The following ADD3 variants were observed in gnomAD, a reference collection of about 807,000 sequenced individuals.
ADD3 encodes gamma-adducin.
Under a neutral mutation model 80.2 loss-of-function variants are expected in ADD3, and 25 were observed. The observed-to-expected ratio is 0.31, with a 90% CI of 0.23 to 0.44. The LOEUF is 0.44. ADD3 is among the 20% of genes least tolerant of loss of function. The probability of loss-of-function intolerance (pLI) is 1.00; values close to 1 mark genes in which losing one functional copy is unlikely to be tolerated. For missense variants in ADD3, 829 were observed against 847.5 expected, an observed-to-expected ratio of 0.98 and a Z score of 0.27; for synonymous variants, 284 against 289.6, an observed-to-expected ratio of 0.98 and a Z score of 0.20.
At chr10:110,015,532 T>C (rs574286930) in intron 1 of ADD3, among the ~76,000 whole-genome samples, 1 of 152,112 alleles carries the variant, frequency 6.6e-6, no homozygotes, top group Non-Finnish European at 1.5e-5. Context: ...CCCACCACCA[T>C]GCTCGGCTAA....
chr10:110,103,213 C>G (rs1026015391), intron 2 of ADD3, among the ~76,000 whole-genome samples: 8 of 152,180 alleles, frequency 5.3e-5, no homozygotes, highest in Admixed American at 2.6e-4. Context: ...GGAAATGATA[C>G]TTGGTGGCTT....
chr10:110,113,911 G>A (rs1406276500), intron 3 of ADD3, among the ~76,000 whole-genome samples: 2 of 152,228 alleles, frequency 1.3e-5, no homozygotes, highest in Non-Finnish European at 2.9e-5. Flanking sequence ...TGGACATAGA[G>A]AAGTAGTACT....
At chr10:110,071,800 G>T (rs1264080043) in intron 1 of ADD3, among the ~76,000 whole-genome samples, 4 of 152,178 alleles carry the variant, frequency 2.6e-5, no homozygotes, top group Non-Finnish European at 4.4e-5. Context: ...TGGGGATCAT[G>T]CCTAATCTTT....
chr10:110,032,649 G>A (rs1855182691), intron 1 of ADD3, among the ~76,000 whole-genome samples: 1 of 152,134 alleles, frequency 6.6e-6, no homozygotes, highest in Non-Finnish European at 1.5e-5. Context: ...TGTGGATTCA[G>A]CTTTCTCAGC....
chr10:110,061,624 T>C (rs1352501787), intron 1 of ADD3, among the ~76,000 whole-genome samples: 1 of 152,178 alleles, frequency 6.6e-6, no homozygotes, highest in African/African-American at 2.4e-5. Flanking sequence ...ACTTAACAAA[T>C]GGACTGGCTA....
upstream of ADD3, among the ~76,000 whole-genome samples, chr10:110,005,262 A>G (rs1189344808): frequency 6.7e-6 from 1 of 150,282 alleles, no homozygotes; most frequent in Non-Finnish European, 1.5e-5. Flanking sequence ...GGATTTCACC[A>G]TCTTGGCCAG....
intron 1 of ADD3, among the ~76,000 whole-genome samples, chr10:110,020,840 AG>A (rs1225471123): frequency 6.6e-6 from 1 of 152,204 alleles, no homozygotes; most frequent in African/African-American, 2.4e-5. Context: ...GAGAGAGAGG[AG>A]TCAAACTTGA....
At chr10:110,081,966 G>A (rs1036274659) in intron 1 of ADD3, among the ~76,000 whole-genome samples, 2 of 152,122 alleles carry the variant, frequency 1.3e-5, no homozygotes, top group African/African-American at 4.8e-5. Flanking sequence ...ATTGTAGTTT[G>A]AGCTGAAACA....
chr10:110,033,966 T>C (rs1855347660), intron 1 of ADD3, among the ~76,000 whole-genome samples: 1 of 152,220 alleles, frequency 6.6e-6, no homozygotes, highest in African/African-American at 2.4e-5. Context: ...AGGTTTATAT[T>C]GTACCTTAGC....
intron 1 of ADD3, among the ~76,000 whole-genome samples, chr10:110,041,049 TC>T (rs779140500): frequency 3.3e-4 from 51 of 152,282 alleles, no homozygotes; most frequent in Non-Finnish European, 6.5e-4. Flanking sequence ...TCATGCTGTG[TC>T]TCTCACTATC....
chr10:110,047,974 T>A (rs980825997), intron 1 of ADD3, among the ~76,000 whole-genome samples: 8 of 152,178 alleles, frequency 5.3e-5, no homozygotes, highest in African/African-American at 1.2e-4. Context: ...TCAAGTGATA[T>A]GGTGTGGCTG....
At chr10:110,108,669 G>A (rs1849648845) in intron 2 of ADD3, among the ~76,000 whole-genome samples, 1 of 151,774 alleles carries the variant, frequency 6.6e-6, no homozygotes, top group Admixed American at 6.6e-5. Context: ...TTTTATATTA[G>A]TCTTATATTA....
At position 110,077,550 on chromosome 10, in the gene ADD3, A is replaced by G. The variant is rs1176436901; in HGVS notation, c.-29-23075A>G. On this transcript the variant is annotated intron_variant, in intron 1 of 14. Coordinates refer to ENST00000356080, the MANE Select transcript of ADD3 (RefSeq NM_016824.5). ...GAGTGGGTTCATTGAATTAAAAAAA[A>G]GGCAGCTTCTAAAGAGCCTTTTATT... is the stretch of plus-strand genomic sequence containing the variant. Among the ~76,000 whole-genome samples, 4 of 152,288 alleles carry G rather than the reference A, an allele frequency of 2.6e-5. No homozygotes were observed. In the East Asian group the frequency reaches 7.7e-4, roughly 29 times the overall value.
chr10:110,127,317 T>A (rs1831455760), intron 12 of ADD3, among the ~76,000 whole-genome samples: 2 of 152,354 alleles, frequency 1.3e-5, no homozygotes, highest in South Asian at 4.1e-4. Flanking sequence ...CCGAACTTTT[T>A]AAAAGAATTA....
In ADD3 at chr10:110,133,279, A is replaced by G. The variant is rs1366988967; in HGVS notation, c.1829-47A>G. The G allele has an allele frequency of 2.0e-6, 3 of 1,519,788 alleles. No individual in the cohort carries two copies. The South Asian group carries it at 4.0e-5, about 20-fold the overall frequency. The allele number at this position is 1,519,788 out of a possible 1,614,324, so 94.1% of individuals were successfully genotyped here. A position where few individuals can be genotyped will look rare whatever the true frequency, so the allele number is the denominator to read the frequency against. The stretch of plus-strand genomic sequence containing the variant: ...TTCAGTTTTGTAAAGTAGAGCAAAA[A>G]TGTTAAGTATGTAAAATAACCCCCA... On this transcript the variant is annotated intron_variant, in intron 14 of 14. Coordinates refer to ENST00000356080, the MANE Select transcript of ADD3 (RefSeq NM_016824.5).
At chr10:110,066,515 G>A (rs1025806034) in intron 1 of ADD3, among the ~76,000 whole-genome samples, 1 of 152,154 alleles carries the variant, frequency 6.6e-6, no homozygotes, top group African/African-American at 2.4e-5. Flanking sequence ...TTACAGGTGT[G>A]AGCCACCGTG....
At chr10:110,087,649 T>C (rs1052972352) in intron 1 of ADD3, among the ~76,000 whole-genome samples, 1 of 152,242 alleles carries the variant, frequency 6.6e-6, no homozygotes, top group Non-Finnish European at 1.5e-5. Flanking sequence ...ATCAGATGTC[T>C]TGTTCAGGTT....
At chr10:110,114,188 GAAATACTTACGCAGTGA>G (rs1338212812) in intron 3 of ADD3, among the ~76,000 whole-genome samples, 15 of 152,204 alleles carry the variant, frequency 9.9e-5, no homozygotes, top group Admixed American at 1.3e-4. Flanking sequence ...CCAGTTGCCT[GAAATACTTACGCAGTGA>G]AGTGAAAAGC....
intron 4 of ADD3, 94 bp from the exon 5 acceptor site, chr10:110,117,248 C>A: frequency 1.6e-6 from 1 of 614,632 alleles, no homozygotes; most frequent in African/African-American, 1.9e-5. Context: ...TTCCTGATCT[C>A]TTACAATTAT....
Sources: allele counts gnomAD v4.1 joint callset (sites outside exome capture counted in the v4.1 genomes callset), GRCh38; gene constraint gnomAD v4.1.1; transcripts MANE v1.5; gene names NCBI Gene and HGNC (gene_info 2026-07-23, HGNC 2026-07-21).